The following VPS13D variants were observed in gnomAD, a reference collection of about 807,000 sequenced individuals.
The protein encoded by VPS13D is intermembrane lipid transfer protein VPS13D.
VPS13D carries 187 observed loss-of-function variants against 461.9 expected under a neutral mutation model. The observed-to-expected ratio is 0.40, with a 90% CI of 0.36 to 0.46. The LOEUF (loss-of-function observed/expected upper bound fraction) is 0.46, where lower values mean the gene tolerates loss of function less well. VPS13D is among the 20% of genes least tolerant of loss of function. The pLI, the probability that VPS13D is intolerant of heterozygous loss-of-function variation, is 0.60. For synonymous variants in VPS13D, 1,951 were observed against 1,986.3 expected (o/e 0.98, Z 0.47); for missense variants, 4,711 against 5,364.9 (o/e 0.88, Z 3.81).
intron 2 of VPS13D, among the ~76,000 whole-genome samples, chr1:12,236,533 A>T (rs1640152691): frequency 6.6e-6 from 1 of 152,010 alleles, no homozygotes; most frequent in South Asian, 2.1e-4. Context: ...GGCATGCACC[A>T]CCACGCCCGG....
At chr1:12,300,332 C>T (rs571406853) in intron 25 of VPS13D, among the ~76,000 whole-genome samples, 41 of 151,918 alleles carry the variant, frequency 2.7e-4, no homozygotes, top group African/African-American at 8.7e-4. Flanking sequence ...CTCAGCCTCC[C>T]GATTAGCTGA....
At chr1:12,391,444 C>A (rs1644425167) in intron 60 of VPS13D, among the ~76,000 whole-genome samples, 1 of 152,158 alleles carries the variant, frequency 6.6e-6, no homozygotes, top group Non-Finnish European at 1.5e-5. Context: ...GAGCCACTTC[C>A]TCATGTAACT....
In VPS13D at chr1:12,276,013, A is replaced by G; in HGVS notation, c.2425A>G (p.Met809Val). The G allele has an allele frequency of 6.2e-7, 1 of 1,614,080 alleles. No homozygotes were observed. The highest frequency in any genetic ancestry group is 8.5e-7 in the Non-Finnish European group (1 of 1,180,018). ...TGAAGAACAGCTTCAAGCACATTTA[A>G]TGAGCACAAAGATGTATGAGAGGTA... ...FSEEQLQAHL[M>V]STKMYERYSL... The change falls in exon 19 of 70, where the codon ATG becomes GTG. Residue 809 changes from methionine to valine, a missense_variant. Met to Val is a conservative substitution (Grantham distance 21, BLOSUM62 1). This residue lies in a region of VPS13D where 4,411 missense variants were observed against 4,937.8 expected (regional missense o/e 0.89). Coordinates refer to ENST00000620676, the MANE Select transcript of VPS13D (RefSeq NM_015378.4). The surrounding 1 kb of genome is among the most constrained non-coding windows in gnomAD (Gnocchi z 4.5).
In VPS13D at chr1:12,279,352, C is replaced by T. The variant is rs1169012596; in HGVS notation, c.4451-147C>T. On this transcript the variant is annotated intron_variant, in intron 19 of 69. Transcript: ENST00000620676. The surrounding 1 kb of genome is among the most constrained non-coding windows in gnomAD (Gnocchi z 4.3). ...CAGGATAGCTGTCAAGGTTTGCTCT[C>T]AATCATAGACCCCGGGTGCCAGGCT... 5 of 816,072 alleles carry T rather than the reference C, an allele frequency of 6.1e-6. No individual in the cohort carries two copies. Among genetic ancestry groups the T allele is most frequent in the Non-Finnish European group, 7.0e-6 (4 of 573,598 alleles). 50.6% of individuals were successfully genotyped at this position (816,072 alleles called of 1,614,324 possible). A position where few individuals can be genotyped will look rare whatever the true frequency, so the allele number is the denominator to read the frequency against.
intron 65 of VPS13D, among the ~76,000 whole-genome samples, chr1:12,433,549 C>T (rs902373062): frequency 7.9e-5 from 12 of 152,340 alleles, no homozygotes; most frequent in African/African-American, 1.9e-4. Context: ...CCGATGAACC[C>T]GCCAGTGACT....
intron 13 of VPS13D, among the ~76,000 whole-genome samples, chr1:12,264,103 T>C (rs993123507): frequency 5.9e-5 from 9 of 152,206 alleles, no homozygotes; most frequent in African/African-American, 2.2e-4. Context: ...GTTATTATTG[T>C]ATTTGTTTTG....
At position 12,349,277 on chromosome 1, in the gene VPS13D, G is replaced by A. The variant is rs777278757; in HGVS notation, c.9334G>A (p.Ala3112Thr). The A allele has an allele frequency of 1.2e-6, 2 of 1,614,130 alleles. No individual in the cohort carries two copies. Among genetic ancestry groups the A allele is most frequent in the Non-Finnish European group, 1.7e-6 (2 of 1,180,018 alleles). Residue 3112 changes from alanine to threonine, a missense_variant, in exon 46 of 70, where the codon GCT becomes ACT. Around this residue, in one of 3 missense-constraint regions of VPS13D, gnomAD observed 4,411 missense variants for 4,937.8 expected, o/e 0.89. Transcript: ENST00000620676. The stretch of plus-strand genomic sequence containing the variant: ...AGGATTGGGTGTATTTTTCTGTAAG[G>A]CTCCCATTCATTGGACCAATGTAGT... The part of the protein sequence containing the change: ...PKGLGVFFCK[A>T]PIHWTNVVKT...
Position 12,482,990 on chromosome 1 carries a change from C to G in VPS13D, c.12663-14510C>G, listed in dbSNP as rs891384604. Reference sequence around the variant, plus strand: ...ATTGATGGATGTTTTTAATTTGTTGCTGTTGTAAGCATCCTCTACATATAT... The same window carrying G: ...ATTGATGGATGTTTTTAATTTGTTGGTGTTGTAAGCATCCTCTACATATAT... On this transcript the variant is annotated intron_variant, in intron 67 of 69. Coordinates refer to ENST00000620676, the MANE Select transcript of VPS13D (RefSeq NM_015378.4). Among the ~76,000 whole-genome samples the G allele has an allele frequency of 8.5e-5, 13 of 152,180 alleles. No individual in the cohort carries two copies. The South Asian group carries it at 1.0e-3, about 12-fold the overall frequency.
rs572864848 is a variant in VPS13D at position 12,492,019 on chromosome 1, G to A, written c.12663-5481G>A. ...GTGTTGGTTCATAAGAGATGCTGTCGACTAAGGAGAGGTGAGTGGGTGGAT... is the reference window on the plus strand; with the variant it reads ...GTGTTGGTTCATAAGAGATGCTGTCAACTAAGGAGAGGTGAGTGGGTGGAT... On this transcript the variant is annotated intron_variant, in intron 67 of 69. Coordinates refer to ENST00000620676, the MANE Select transcript of VPS13D (RefSeq NM_015378.4). Among the ~76,000 whole-genome samples, 10 of 152,296 alleles carry A rather than the reference G, an allele frequency of 6.6e-5. No homozygotes were observed. The East Asian group carries it at 9.6e-4, about 15-fold the overall frequency.
At chr1:12,271,702 TC>T (rs928948061) in intron 17 of VPS13D, among the ~76,000 whole-genome samples, 1 of 151,858 alleles carries the variant, frequency 6.6e-6, no homozygotes, top group African/African-American at 2.4e-5. Context: ...TCGTGTTTGT[TC>T]CATTTTCCAG....
intron 38 of VPS13D, 100 bp downstream of exon 38, chr1:12,333,466 A>ACAGGC: frequency 7.1e-7 from 1 of 1,407,358 alleles, no homozygotes; most frequent in Non-Finnish European, 9.7e-7. Flanking sequence ...CTGGGCCTGT[A>ACAGGC]CCAGGCATCA....
In VPS13D at chr1:12,507,379, T is replaced by C. The variant is rs760252140; in HGVS notation, c.13035+286T>C. 1.1e-5 allele frequency: 7 copies of C among 641,914 alleles called. No homozygotes were observed. Among genetic ancestry groups the C allele is most frequent in the South Asian group, 6.9e-5 (5 of 72,554 alleles). The allele number at this position is 641,914 out of a possible 1,614,324, so 39.8% of individuals were successfully genotyped here. A position where few individuals can be genotyped will look rare whatever the true frequency, so the allele number is the denominator to read the frequency against. On this transcript the variant is annotated intron_variant, in intron 69 of 69. Transcript: ENST00000620676. This position sits in a 1 kb window ranked among gnomAD's most constrained non-coding sequence, Gnocchi z 5.3. ...GTGAGGGTAACAATACTTACTCTCG[T>C]TGGTGATAAGGAACAGCTAACACAA...
rs1646096778 is a variant in VPS13D, at chr1:12,505,755, A to T, written c.12795-1098A>T. On this transcript the variant is annotated intron_variant, in intron 68 of 69. Coordinates refer to ENST00000620676, the MANE Select transcript of VPS13D (RefSeq NM_015378.4). The surrounding 1 kb of genome is among the most constrained non-coding windows in gnomAD (Gnocchi z 4.2). ...GTATGTGGGGGATGCTTCACAGAGA[A>T]GTTAGAACCTGTGATCCTTGCGGGG... is the stretch of plus-strand genomic sequence containing the variant. 6.6e-6 allele frequency among the ~76,000 whole-genome samples: 1 copy of T among 152,200 alleles called. No homozygotes were observed. Among genetic ancestry groups the T allele is most frequent in the Non-Finnish European group, 1.5e-5 (1 of 68,030 alleles).
chr1:12,290,721 TAA>T (rs753945712), intron 22 of VPS13D, among the ~76,000 whole-genome samples: 12 of 135,038 alleles, frequency 8.9e-5, no homozygotes, highest in East Asian at 2.1e-4. Context: ...AGACTCTGTC[TAA>T]AAAAAAAAAA....
At chr1:12,326,229 T>C (rs1643181167) in intron 35 of VPS13D, among the ~76,000 whole-genome samples, 1 of 151,348 alleles carries the variant, frequency 6.6e-6, no homozygotes, top group South Asian at 2.1e-4. Context: ...TTATACCCCT[T>C]AATGTTTACT....
chr1:12,299,139 G>T lies in VPS13D; in HGVS notation c.6034-63G>T, dbSNP rs945108116. The stretch of plus-strand genomic sequence containing the variant: ...CTCACGAAACTTTTGGGAACCTGAG[G>T]TTATTTGGTGGTAAAATTAGGGAAT... On this transcript the variant is annotated intron_variant, in intron 24 of 69. Coordinates refer to ENST00000620676, the MANE Select transcript of VPS13D (RefSeq NM_015378.4). This position sits in a 1 kb window ranked among gnomAD's most constrained non-coding sequence, Gnocchi z 4.2. 11 of 1,474,824 alleles carry T rather than the reference G, an allele frequency of 7.5e-6. No individual in the cohort carries two copies. The highest frequency in any genetic ancestry group is 1.4e-5 in the African/African-American group (1 of 70,522). 91.4% of individuals were successfully genotyped at this position (1,474,824 alleles called of 1,614,324 possible).
At chr1:12,231,031 C>T (rs918478187) in intron 1 of VPS13D, among the ~76,000 whole-genome samples, 1 of 152,196 alleles carries the variant, frequency 6.6e-6, no homozygotes, top group Admixed American at 6.5e-5. Context: ...CAGCCCTGGC[C>T]GCCTCGGGGA....
intron 24 of VPS13D, among the ~76,000 whole-genome samples, chr1:12,294,982 G>C (rs951164636): frequency 3.9e-5 from 6 of 151,962 alleles, no homozygotes; most frequent in Admixed American, 1.3e-4. Flanking sequence ...CAGCACTTTG[G>C]GGGGCGAGGC....
chr1:12,347,920 A>ATG (rs1643711049), intron 44 of VPS13D, among the ~76,000 whole-genome samples: 1 of 152,350 alleles, frequency 6.6e-6, no homozygotes, highest in South Asian at 2.1e-4. Context: ...ATATGGAAAA[A>ATG]TAACGTAATG....
Sources: gnomAD v4.1 joint callset for allele counts (sites outside exome capture counted in the v4.1 genomes callset) on GRCh38, gnomAD v4.1.1 for gene constraint, gnomAD v4.1.1 regional missense constraint, Gnocchi (gnomAD v3.1) non-coding constraint, MANE v1.5 for transcripts, NCBI Gene and HGNC (gene_info 2026-07-23, HGNC 2026-07-21) for gene names.